The following PAQR3 variants were observed in gnomAD, a reference collection of about 807,000 sequenced individuals.
The protein encoded by PAQR3 is progestin and adipoQ receptor family member 3.
In PAQR3, 39 loss-of-function variants were observed where a neutral mutation model predicts 41.7. The observed-to-expected ratio is 0.93, with a 90% CI of 0.72 to 1.22. The LOEUF is 1.22. PAQR3 is among the 50% of genes most tolerant of loss of function. PAQR3 has a pLI of 0.00. For synonymous variants in PAQR3, 140 were observed against 140.6 expected (o/e 1.00, Z 0.03); for missense variants, 366 against 385.6 (o/e 0.95, Z 0.42).
intron 11 of PAQR3, among the ~76,000 whole-genome samples, chr4:78,889,396 T>G (rs1015450286): frequency 6.6e-6 from 1 of 152,058 alleles, no homozygotes; most frequent in African/African-American, 2.4e-5. Context: ...GAAGAAAAAG[T>G]GATCACTGTG....
chr4:78,911,661 C>A (rs7682647), downstream of PAQR3: 14,189 of 1,613,852 alleles, frequency 8.8e-3, 1,075 homozygotes, highest in African/African-American at 0.16. Flanking sequence ...TTTTAACCAT[C>A]TCAGACTCCA....
At chr4:78,891,277 C>T (rs1440385619) in intron 11 of PAQR3, among the ~76,000 whole-genome samples, 1 of 151,958 alleles carries the variant, frequency 6.6e-6, no homozygotes, top group Non-Finnish European at 1.5e-5. Context: ...TCCTCTTTTT[C>T]TTATTCCTGC....
At chr4:78,930,443 A>C (rs1443036486) in intron 2 of PAQR3, 118 bp from the exon 3 acceptor site, 6 of 1,059,624 alleles carry the variant, frequency 5.7e-6, no homozygotes, top group Non-Finnish European at 5.3e-6. Context: ...ATGGGCTTGG[A>C]TTCTAGCTCT....
At chr4:78,921,735 T>C (rs1333559062) in intron 5 of PAQR3, 2 of 984,628 alleles carry the variant, frequency 2.0e-6, no homozygotes, top group Admixed American at 6.2e-5. Flanking sequence ...ATTTATTTTA[T>C]TTCCCAGTGG....
At chr4:78,905,813 T>A (rs1022749766) in intron 11 of PAQR3, among the ~76,000 whole-genome samples, 5 of 149,118 alleles carry the variant, frequency 3.4e-5, no homozygotes, top group African/African-American at 1.2e-4. Context: ...AGATCTGAAA[T>A]TTTTTTTTTT....
In PAQR3 at chr4:78,916,989, AAAGG is replaced by A. The variant is rs573325799; in HGVS notation, c.*3546_*3549del. 8 of 152,042 alleles carry A rather than the reference AAAGG, an allele frequency of 5.3e-5. 1 individual carries two copies. In the South Asian group the frequency reaches 1.7e-3, roughly 31 times the overall value. The allele number at this position is 152,042 out of a possible 1,614,324, so 9.4% of individuals were successfully genotyped here. On this transcript the variant is annotated 3_prime_UTR_variant, in exon 6 of 6. Transcript: ENST00000512733. ...ACATTTATCTAAAGTTATGTGAAAA[AAAGG>A]GGCTTTGTATCTTTTTAATGAAAAT...
chr4:78,901,636 T>A (rs1734011272), intron 11 of PAQR3, among the ~76,000 whole-genome samples: 1 of 152,156 alleles, frequency 6.6e-6, no homozygotes, highest in Non-Finnish European at 1.5e-5. Context: ...GAAACCCACA[T>A]TCCCTTTCTT....
intron 11 of PAQR3, among the ~76,000 whole-genome samples, chr4:78,904,164 T>C (rs1734166336): frequency 6.6e-6 from 1 of 151,894 alleles, no homozygotes; most frequent in Non-Finnish European, 1.5e-5. Flanking sequence ...TTTGAAACGA[T>C]AGGAAGTCAT....
At chr4:78,901,029 T>C (rs1396433825) in intron 11 of PAQR3, among the ~76,000 whole-genome samples, 2 of 152,082 alleles carry the variant, frequency 1.3e-5, no homozygotes, top group Non-Finnish European at 2.9e-5. Context: ...CCATTTGATA[T>C]TGAGTATTGG....
intron 11 of PAQR3, among the ~76,000 whole-genome samples, chr4:78,898,676 T>C (rs890734619): frequency 2.0e-5 from 3 of 150,620 alleles, no homozygotes; most frequent in Non-Finnish European, 4.4e-5. Flanking sequence ...AAAAAGACCA[T>C]TGCTCCTCAA....
downstream of PAQR3, chr4:78,910,833 A>C (rs761239283): frequency 1.9e-6 from 3 of 1,613,056 alleles, no homozygotes; most frequent in South Asian, 3.3e-5. Context: ...AAGATGATGA[A>C]GAAGTTCTTC....
chr4:78,892,873 T>G (rs1733516227), intron 11 of PAQR3, among the ~76,000 whole-genome samples: 1 of 152,228 alleles, frequency 6.6e-6, no homozygotes, highest in African/African-American at 2.4e-5. Flanking sequence ...CAGCTGGTTG[T>G]AATCTTTTTG....
At chr4:78,890,171 T>TG (rs1380835487) in intron 11 of PAQR3, among the ~76,000 whole-genome samples, 1 of 151,258 alleles carries the variant, frequency 6.6e-6, no homozygotes, top group South Asian at 2.1e-4. Context: ...AGATTTGAAA[T>TG]GGAAAAAAAA....
intron 2 of PAQR3, among the ~76,000 whole-genome samples, chr4:78,931,829 ATTC>A (rs1188154175): frequency 6.6e-6 from 1 of 152,230 alleles, no homozygotes; most frequent in Non-Finnish European, 1.5e-5. Flanking sequence ...AAAGCATCAT[ATTC>A]TTTATAATAT....
chr4:78,923,729 GA>G lies in PAQR3; in HGVS notation c.793+127del. 4 of 720,446 alleles carry G rather than the reference GA, an allele frequency of 5.6e-6. No homozygotes were observed. The Admixed American group carries it at 8.1e-5, about 15-fold the overall frequency. The allele number at this position is 720,446 out of a possible 1,614,324, so 44.6% of individuals were successfully genotyped here. ...CTTTGAAAGTTTTAGGTAACATTTG[GA>G]AAGAGAGGAATCATTTCCATAATCA... is the stretch of plus-strand genomic sequence containing the variant. On this transcript the variant is annotated intron_variant, in intron 5 of 5. Transcript: ENST00000512733.
chr4:78,908,055 T>C (rs1451756168), downstream of PAQR3, among the ~76,000 whole-genome samples: 1 of 152,230 alleles, frequency 6.6e-6, no homozygotes, highest in African/African-American at 2.4e-5. Flanking sequence ...ATATCATAAA[T>C]ACGCTGTGTA....
Position 78,939,245 on chromosome 4 carries a change from C to T in PAQR3, c.-21G>A, listed in dbSNP as rs1392114114. 1.3e-6 allele frequency: 2 copies of T among 1,571,438 alleles called. No individual in the cohort carries two copies. Among genetic ancestry groups the T allele is most frequent in the East Asian group, 5.1e-5 (2 of 39,312 alleles). ...TGCATCGTTCCCGGCCGCCGCCGCT[C>T]CCCGGCTCGGGAGCTCCCCCAGGTC... is the stretch of plus-strand genomic sequence containing the variant. On this transcript the variant is annotated 5_prime_UTR_variant, in exon 1 of 6. Coordinates refer to ENST00000512733, the MANE Select transcript of PAQR3 (RefSeq NM_001040202.2).
At position 78,912,652 on chromosome 4, in the gene PAQR3, A is replaced by G. The variant is rs1734710159; in HGVS notation, c.*7887T>C. On this transcript the variant is annotated 3_prime_UTR_variant, in exon 6 of 6. Transcript: ENST00000512733. ...AAGTGCCATTAAAATGGAATATCTA[A>G]TGATAAGCATATGAAATAATGTGTA... is the stretch of plus-strand genomic sequence containing the variant. 1 of 152,232 alleles carries G rather than the reference A, an allele frequency of 6.6e-6. No homozygotes were observed. Among genetic ancestry groups the G allele is most frequent in the African/African-American group, 2.4e-5 (1 of 41,460 alleles). The allele number at this position is 152,232 out of a possible 1,614,324, so 9.4% of individuals were successfully genotyped here.
chr4:78,920,761 G>C, intron 5 of PAQR3, 80 bp from the exon 6 acceptor site: 1 of 1,442,106 alleles, frequency 6.9e-7, no homozygotes, highest in Non-Finnish European at 9.2e-7. Context: ...TGGAAGTATA[G>C]CTTAGCAGAA....
Sources: gnomAD v4.1 joint callset for allele counts (sites outside exome capture counted in the v4.1 genomes callset) on GRCh38, gnomAD v4.1.1 for gene constraint, MANE v1.5 for transcripts, NCBI Gene and HGNC (gene_info 2026-07-23, HGNC 2026-07-21) for gene names.